AGTPBP1: variants seen among roughly 807,000 people sequenced by gnomAD.
AGTPBP1 encodes the protein ATP/GTP binding carboxypeptidase 1, also known as cytosolic carboxypeptidase 1.
Under a neutral mutation model 143.9 loss-of-function variants are expected in AGTPBP1, and 70 were observed. The observed-to-expected ratio is 0.49, with a 90% confidence interval of 0.40 to 0.59. The LOEUF (loss-of-function observed/expected upper bound fraction) is 0.59. AGTPBP1 is among the 20% of genes least tolerant of loss of function. AGTPBP1 has a pLI of 0.00. For missense variants in AGTPBP1, 1,229 were observed against 1,464.5 expected, an observed-to-expected ratio of 0.84 and a Z score of 2.62; for synonymous variants, 463 against 500.2, an observed-to-expected ratio of 0.93 and a Z score of 0.99.
rs1170787995 is a variant in AGTPBP1, at chr9:85,650,063, T to C, written c.1088-3645A>G. 5.5e-5 allele frequency among the ~76,000 whole-genome samples: 8 copies of C among 146,282 alleles called. No homozygotes were observed. In the South Asian group the frequency reaches 8.5e-4, roughly 16 times the overall value. ...TTTCCTTTTTTTTTTTTTTTTTTTT[T>C]CTTGCTCTGGAAAATAAAGTGTAGG... is the stretch of plus-strand genomic sequence containing the variant. On this transcript the variant is annotated intron_variant, in intron 11 of 25. Transcript: ENST00000357081.
chr9:85,656,804 C>T (rs1008201745), intron 10 of AGTPBP1, among the ~76,000 whole-genome samples: 2 of 152,136 alleles, frequency 1.3e-5, no homozygotes, highest in East Asian at 1.9e-4. Context: ...AGCAGGAAAA[C>T]GTGCAGAATA....
the AGTPBP1 span, among the ~76,000 whole-genome samples, chr9:85,789,223 G>A: frequency 1.3e-5 from 2 of 151,904 alleles, no homozygotes; most frequent in African/African-American, 2.4e-5. Context: ...AAATAACGTC[G>A]TGAATAATAT....
At chr9:85,628,717 T>G (rs1033285491) in intron 14 of AGTPBP1, among the ~76,000 whole-genome samples, 1 of 152,126 alleles carries the variant, frequency 6.6e-6, no homozygotes, top group African/African-American at 2.4e-5. Flanking sequence ...TTTTTTTGTT[T>G]GTTTCTTTGT....
chr9:85,788,026 TA>T, the AGTPBP1 span: 1 of 152,108 alleles, frequency 6.6e-6, no homozygotes, highest in African/African-American at 2.4e-5. Context: ...GTCTCCTTGC[TA>T]AAAACCAGTT....
intron 2 of AGTPBP1, among the ~76,000 whole-genome samples, chr9:85,705,701 T>G (rs893677217): frequency 4.0e-5 from 6 of 151,606 alleles, no homozygotes; most frequent in South Asian, 2.1e-4. Context: ...TTTTTTTGGG[T>G]TTTTTTTGAG....
chr9:85,611,912 C>T (rs974034934), intron 17 of AGTPBP1, among the ~76,000 whole-genome samples: 1 of 152,078 alleles, frequency 6.6e-6, no homozygotes, highest in African/African-American at 2.4e-5. Flanking sequence ...GAACTCCTGA[C>T]CTTGTGATCT....
At chr9:85,642,758 T>A in intron 13 of AGTPBP1, 69 bp downstream of exon 13, 1 of 1,201,966 alleles carries the variant, frequency 8.3e-7, no homozygotes, top group Non-Finnish European at 1.2e-6. Flanking sequence ...ACAGTGATTA[T>A]CGACCTAAGG....
intron 4 of AGTPBP1, among the ~76,000 whole-genome samples, chr9:85,678,905 T>C (rs140422143): frequency 4.3e-4 from 65 of 152,326 alleles, no homozygotes; most frequent in African/African-American, 1.4e-3. Flanking sequence ...TACATATCGA[T>C]AGATAAAGAG....
At chr9:85,760,466 T>TA in the AGTPBP1 span, among the ~76,000 whole-genome samples, 1 of 152,162 alleles carries the variant, frequency 6.6e-6, no homozygotes. Context: ...TGGTTCAACA[T>TA]ACGCAAATCA....
At chr9:85,592,536 T>C (rs748315380) in intron 19 of AGTPBP1, 24 bp downstream of exon 19, 59 of 1,530,140 alleles carry the variant, frequency 3.9e-5, no homozygotes, top group Non-Finnish European at 5.2e-5. Context: ...ATCCATATAA[T>C]ACAATTTAAT....
the AGTPBP1 span, among the ~76,000 whole-genome samples, chr9:85,769,276 G>T: frequency 6.6e-6 from 1 of 152,064 alleles, no homozygotes; most frequent in Non-Finnish European, 1.5e-5. Context: ...AACTTATCGA[G>T]GTGGCCTCCA....
At chr9:85,735,119 G>A (rs117106754) in intron 1 of AGTPBP1, among the ~76,000 whole-genome samples, 2,344 of 152,238 alleles carry the variant, frequency 0.015, 24 homozygotes, top group Middle Eastern at 0.061. Flanking sequence ...TTATTCACAA[G>A]CAACCCAAGT....
intron 15 of AGTPBP1, among the ~76,000 whole-genome samples, chr9:85,620,809 G>A (rs1415736965): frequency 2.0e-5 from 3 of 152,134 alleles, no homozygotes; most frequent in African/African-American, 7.2e-5. Flanking sequence ...GAAAGGGATG[G>A]TAATTTGTTA....
At chr9:85,628,840 C>T (rs112272340) in intron 14 of AGTPBP1, among the ~76,000 whole-genome samples, 5,340 of 152,060 alleles carry the variant, frequency 0.035, 331 homozygotes, top group African/African-American at 0.12. Context: ...TATAGGTGCC[C>T]GAGTAACTGG....
chr9:85,706,113 TAAG>T (rs1836979260), intron 2 of AGTPBP1, among the ~76,000 whole-genome samples: 1 of 151,592 alleles, frequency 6.6e-6, no homozygotes, highest in Non-Finnish European at 1.5e-5. Context: ...TTCTAGCTAA[TAAG>T]GAGCTACGCC....
intron 8 of AGTPBP1, 128 bp from the exon 9 acceptor site, chr9:85,661,101 A>G (rs1312932188): frequency 2.8e-6 from 2 of 721,210 alleles, no homozygotes; most frequent in Admixed American, 7.1e-5. Flanking sequence ...CTCTTGTTTA[A>G]GATAATTACA....
chr9:85,736,085 T>C (rs1019547760), intron 1 of AGTPBP1, among the ~76,000 whole-genome samples: 1 of 152,208 alleles, frequency 6.6e-6, no homozygotes, highest in Non-Finnish European at 1.5e-5. Flanking sequence ...GCTTTTCACG[T>C]TGTGCCTTCA....
chr9:85,756,055 T>G, the AGTPBP1 span: 1 of 1,484,368 alleles, frequency 6.7e-7, no homozygotes. Context: ...AAGTAATTTT[T>G]TTTTTAATTT....
At chr9:85,574,763 C>T (rs1827788979) in intron 25 of AGTPBP1, among the ~76,000 whole-genome samples, 1 of 150,756 alleles carries the variant, frequency 6.6e-6, no homozygotes, top group Admixed American at 6.6e-5. Context: ...GGCTAGAGTG[C>T]AGTGGTGAAA....
Sources: allele counts gnomAD v4.1 joint callset (sites outside exome capture counted in the v4.1 genomes callset), GRCh38; gene constraint gnomAD v4.1.1; transcripts MANE v1.5; gene names NCBI Gene and HGNC (gene_info 2026-07-23, HGNC 2026-07-21).